The following ATG7 variants were observed in gnomAD, a reference collection of about 807,000 sequenced individuals.
ATG7 encodes ubiquitin-like modifier-activating enzyme ATG7.
In ATG7, 70 loss-of-function variants were observed where a neutral mutation model predicts 82.4. That is an observed-to-expected ratio of 0.85 (90% CI 0.70 to 1.04). The LOEUF (loss-of-function observed/expected upper bound fraction) is 1.04. ATG7 is among the 50% of genes least tolerant of loss of function. The pLI is 0.00. For missense variants in ATG7, 792 were observed against 864.3 expected (o/e 0.92, Z 1.05); for synonymous variants, 287 against 313.0 (o/e 0.92, Z 0.88).
intron 20 of ATG7, among the ~76,000 whole-genome samples, chr3:11,550,743 T>G (rs1416871015): frequency 6.6e-6 from 1 of 152,178 alleles, no homozygotes; most frequent in South Asian, 2.1e-4. Flanking sequence ...CCCTTTATGG[T>G]ATGTTGTTAT....
intron 20 of ATG7, among the ~76,000 whole-genome samples, chr3:11,508,671 C>A (rs1030031613): frequency 6.6e-6 from 1 of 152,118 alleles, no homozygotes; most frequent in Non-Finnish European, 1.5e-5. Context: ...GGCTGGTCTC[C>A]AACTCTTGGG....
intron 12 of ATG7, among the ~76,000 whole-genome samples, chr3:11,341,455 C>CT (rs983898612): frequency 1.1e-4 from 16 of 140,364 alleles, no homozygotes; most frequent in East Asian, 2.1e-4. Flanking sequence ...TTTTTTTTTT[C>CT]TTTTTTTTTG....
intron 3 of ATG7, among the ~76,000 whole-genome samples, chr3:11,286,737 A>G (rs1480690203): frequency 6.6e-6 from 1 of 150,834 alleles, no homozygotes; most frequent in Non-Finnish European, 1.5e-5. Flanking sequence ...AGCTGGGAAC[A>G]CAGGCGCATG....
intron 19 of ATG7, among the ~76,000 whole-genome samples, chr3:11,417,269 G>T (rs536956526): frequency 1.3e-5 from 2 of 152,300 alleles, no homozygotes; most frequent in East Asian, 3.9e-4. Context: ...TGATAGAGCA[G>T]TATTGAAGTC....
intron 7 of ATG7, 97 bp from the exon 8 acceptor site, chr3:11,313,207 G>T: frequency 1.4e-6 from 1 of 692,376 alleles, no homozygotes; most frequent in Non-Finnish European, 2.4e-6. Context: ...GCATAGCTTT[G>T]CTATCTTAAT....
At chr3:11,343,955 T>C (rs1427384744) in intron 13 of ATG7, among the ~76,000 whole-genome samples, 3 of 152,196 alleles carry the variant, frequency 2.0e-5, no homozygotes, top group African/African-American at 7.2e-5. Context: ...GCATGGTGTA[T>C]CTCTTAATTA....
At chr3:11,554,242 T>A (rs2072146424) in intron 20 of ATG7, among the ~76,000 whole-genome samples, 1 of 142,668 alleles carries the variant, frequency 7.0e-6, no homozygotes, top group African/African-American at 2.7e-5. Context: ...CTGTCTCCAC[T>A]GTCTTTGCTC....
intron 20 of ATG7, among the ~76,000 whole-genome samples, chr3:11,538,885 A>G (rs1345869577): frequency 3.3e-5 from 3 of 91,716 alleles, no homozygotes; most frequent in African/African-American, 1.2e-4. Flanking sequence ...AAAAAAAAAG[A>G]AAAAGAAAAA....
intron 19 of ATG7, among the ~76,000 whole-genome samples, chr3:11,422,943 C>T (rs1013776871): frequency 5.3e-5 from 8 of 151,802 alleles, no homozygotes; most frequent in Admixed American, 1.3e-4. Context: ...TTAATAGAGA[C>T]GGGGTTTCAC....
chr3:11,289,340 G>T lies in ATG7; in HGVS notation c.-11+6902G>T, dbSNP rs1313305211. Among the ~76,000 whole-genome samples, 5 of 152,212 alleles carry T rather than the reference G, an allele frequency of 3.3e-5. No homozygotes were observed. In the East Asian group the frequency reaches 9.7e-4, roughly 29 times the overall value. Reference sequence around the variant, plus strand: ...ATTACTTCTTAAATCTTCCCTTCCAGCTTAAGCGCTGTAGTGATGTTACAT... The same window carrying T: ...ATTACTTCTTAAATCTTCCCTTCCATCTTAAGCGCTGTAGTGATGTTACAT... On this transcript the variant is annotated intron_variant, in intron 3 of 20. Coordinates refer to ENST00000693202, the MANE Select transcript of ATG7 (RefSeq NM_001349232.2).
At chr3:11,472,976 A>G (rs1212311127) in intron 20 of ATG7, among the ~76,000 whole-genome samples, 1 of 152,238 alleles carries the variant, frequency 6.6e-6, no homozygotes, top group African/African-American at 2.4e-5. Context: ...TGCATTTTTC[A>G]GGAGCATACT....
rs2072324053 is a variant in ATG7 at position 11,555,568 on chromosome 3, T to A, written c.*725T>A. Reference sequence around the variant, plus strand: ...CTGGGGGGAAGAGCCCAGGGGCAGATCCTGGCAGCTGCCTGGATGGGGCTC... The same window carrying A: ...CTGGGGGGAAGAGCCCAGGGGCAGAACCTGGCAGCTGCCTGGATGGGGCTC... On this transcript the variant is annotated 3_prime_UTR_variant, in exon 21 of 21. Transcript: ENST00000693202. 6.6e-6 allele frequency: 1 copy of A among 152,336 alleles called. No homozygotes were observed. Among genetic ancestry groups the A allele is most frequent in the Non-Finnish European group, 1.5e-5 (1 of 68,268 alleles). The allele number at this position is 152,336 out of a possible 1,614,324, so 9.4% of individuals were successfully genotyped here. A position where few individuals can be genotyped will look rare whatever the true frequency, so the allele number is the denominator to read the frequency against.
At chr3:11,406,084 G>T (rs2080307087) in intron 19 of ATG7, among the ~76,000 whole-genome samples, 1 of 151,676 alleles carries the variant, frequency 6.6e-6, no homozygotes, top group Non-Finnish European at 1.5e-5. Flanking sequence ...CTGCCTCCCA[G>T]GCTCAAGCGA....
intron 19 of ATG7, among the ~76,000 whole-genome samples, chr3:11,390,830 A>G (rs2078743818): frequency 6.6e-6 from 1 of 152,248 alleles, no homozygotes; most frequent in South Asian, 2.1e-4. Flanking sequence ...AGGGAATTCA[A>G]AAGTATCCTA....
chr3:11,340,219 A>C (rs1271256813), intron 11 of ATG7, among the ~76,000 whole-genome samples: 2 of 152,190 alleles, frequency 1.3e-5, no homozygotes, highest in African/African-American at 2.4e-5. Context: ...TCCCAATAGG[A>C]ACCTCAGTGA....
chr3:11,330,642 A>G (rs1262947394), intron 9 of ATG7, among the ~76,000 whole-genome samples: 1 of 152,182 alleles, frequency 6.6e-6, no homozygotes, highest in Non-Finnish European at 1.5e-5. Flanking sequence ...TGGTATTTAG[A>G]AGTCAGTATC....
At chr3:11,375,177 C>T (rs1283993634) in intron 18 of ATG7, among the ~76,000 whole-genome samples, 1 of 152,068 alleles carries the variant, frequency 6.6e-6, no homozygotes, top group Non-Finnish European at 1.5e-5. Flanking sequence ...TGCTGCACTC[C>T]AGTTTGGAGA....
chr3:11,298,778 A>T lies in ATG7; in HGVS notation c.83A>T (p.His28Leu). 2.5e-6 allele frequency: 4 copies of T among 1,614,208 alleles called. No individual in the cohort carries two copies. Among genetic ancestry groups the T allele is most frequent in the Non-Finnish European group, 3.4e-6 (4 of 1,180,038 alleles). Reference sequence around the variant, plus strand: ...AGTGCCTTGGATGTTGGGTTTTGGCATGAGTTGACCCAGAAGAAGCTGAAC... The same window carrying T: ...AGTGCCTTGGATGTTGGGTTTTGGCTTGAGTTGACCCAGAAGAAGCTGAAC... ...FSSALDVGFW[H>L]ELTQKKLNEY... The change falls in exon 4 of 21, where the codon CAT becomes CTT. Residue 28 changes from histidine (H) to leucine (L), a missense_variant. His to Leu is a moderately conservative substitution (Grantham distance 99). Coordinates refer to ENST00000693202, the MANE Select transcript of ATG7 (RefSeq NM_001349232.2).
intron 20 of ATG7, among the ~76,000 whole-genome samples, chr3:11,534,272 A>T (rs2092747437): frequency 6.6e-6 from 1 of 152,384 alleles, no homozygotes; most frequent in Non-Finnish European, 1.5e-5. Flanking sequence ...CGCAAGCTGG[A>T]CTGAGTCGAT....
Sources: allele counts gnomAD v4.1 joint callset (sites outside exome capture counted in the v4.1 genomes callset), GRCh38; gene constraint gnomAD v4.1.1; transcripts MANE v1.5; gene names NCBI Gene and HGNC (gene_info 2026-07-23, HGNC 2026-07-21).